Variants in PTCHD4 observed in about 807,000 individuals in gnomAD.
PTCHD4 encodes the protein patched domain containing 4.
A neutral mutation model predicts 58.1 loss-of-function variants in PTCHD4; 33 were observed. That is an observed-to-expected ratio of 0.57 (90% CI 0.43 to 0.76). The LOEUF (loss-of-function observed/expected upper bound fraction) is 0.76. Among genes scored for constraint, PTCHD4 ranks in the 30% least tolerant of loss-of-function variants. The pLI is 0.00. For synonymous variants in PTCHD4, 478 were observed against 409.6 expected (o/e 1.17, Z -2.02); for missense variants, 1,058 against 1,027.1 (o/e 1.03, Z -0.41).
At chr6:48,108,091 C>T (rs565197963) in intron 1 of PTCHD4, among the ~76,000 whole-genome samples, 2 of 152,272 alleles carry the variant, frequency 1.3e-5, no homozygotes, top group East Asian at 3.9e-4. Context: ...CCCAGCCATC[C>T]TATTACTGGG....
At chr6:48,033,660 T>C (rs992269808) in intron 3 of PTCHD4, among the ~76,000 whole-genome samples, 3 of 152,002 alleles carry the variant, frequency 2.0e-5, no homozygotes, top group East Asian at 1.9e-4. Context: ...ATACCAGTCA[T>C]GACAATAGAA....
intron 4 of PTCHD4, among the ~76,000 whole-genome samples, chr6:48,000,379 A>G (rs1466769511): frequency 6.6e-6 from 1 of 152,106 alleles, no homozygotes; most frequent in Non-Finnish European, 1.5e-5. Context: ...ATTCAACTCA[A>G]CACCTACTTA....
chr6:47,893,266 C>T (rs1764435018), intron 4 of PTCHD4, among the ~76,000 whole-genome samples: 2 of 152,182 alleles, frequency 1.3e-5, no homozygotes, highest in Non-Finnish European at 2.9e-5. Flanking sequence ...ACCTCAGCCT[C>T]CCAAAGTACT....
At chr6:47,975,468 C>T (rs1186772966) in intron 4 of PTCHD4, among the ~76,000 whole-genome samples, 1 of 151,756 alleles carries the variant, frequency 6.6e-6, no homozygotes, top group Non-Finnish European at 1.5e-5. Context: ...TTACATAGGA[C>T]AATGTGTGGC....
chr6:48,107,930 T>C (rs1018781011), intron 1 of PTCHD4, among the ~76,000 whole-genome samples: 1 of 152,214 alleles, frequency 6.6e-6, no homozygotes, highest in Non-Finnish European at 1.5e-5. Context: ...AGAATGGAGA[T>C]CATTAAAAAG....
intron 3 of PTCHD4, among the ~76,000 whole-genome samples, chr6:48,042,361 C>A (rs1208686048): frequency 6.6e-6 from 1 of 151,918 alleles, no homozygotes; most frequent in Non-Finnish European, 1.5e-5. Flanking sequence ...AGCTTTGTGT[C>A]CTTGGAGAAA....
At chr6:47,991,421 CA>C (rs1483732666) in intron 4 of PTCHD4, among the ~76,000 whole-genome samples, 1 of 151,832 alleles carries the variant, frequency 6.6e-6, no homozygotes, top group Non-Finnish European at 1.5e-5. Flanking sequence ...AACAAACAAA[CA>C]AAAAATGGAG....
chr6:47,949,416 G>C (rs1284825072), intron 4 of PTCHD4, among the ~76,000 whole-genome samples: 1 of 152,162 alleles, frequency 6.6e-6, no homozygotes, highest in Non-Finnish European at 1.5e-5. Context: ...GTATATCTCT[G>C]TGTCCCTTGA....
In PTCHD4 at chr6:48,069,580, T is replaced by C. The variant is rs1040404174; in HGVS notation, c.-623A>G. On this transcript the variant is annotated 5_prime_UTR_variant, in exon 2 of 5. It adds an upstream start codon to the 5' untranslated region. Transcript: ENST00000339488. ...AGCTGAGGGCTGCGGAGACTCCATC[T>C]ATCCCTGGTGCGTTGGGACCGTCTG... 3.3e-5 allele frequency among the ~76,000 whole-genome samples: 5 copies of C among 152,236 alleles called. No individual in the cohort carries two copies. Among genetic ancestry groups the C allele is most frequent in the South Asian group, 4.1e-4 (2 of 4,834 alleles).
intron 3 of PTCHD4, among the ~76,000 whole-genome samples, chr6:48,042,436 A>G (rs1582066455): frequency 6.6e-6 from 1 of 152,110 alleles, no homozygotes; most frequent in East Asian, 1.9e-4. Context: ...CAAATGCAAT[A>G]CAACACAATA....
In PTCHD4 at chr6:47,863,281, T is replaced by C. The variant is rs909968609; in HGVS notation, c.*15022A>G. ...GAAAATTTTATATAAACATAAGATG[T>C]GAACATACTGCTAAGGACTGTCCTA... On this transcript the variant is annotated 3_prime_UTR_variant, in exon 5 of 5. Coordinates refer to ENST00000339488, the MANE Select transcript of PTCHD4 (RefSeq NM_001384253.1). Among the ~76,000 whole-genome samples the C allele has an allele frequency of 5.3e-5, 8 of 151,836 alleles. No homozygotes were observed. Among genetic ancestry groups the C allele is most frequent in the Non-Finnish European group, 1.0e-4 (7 of 67,872 alleles).
intron 1 of PTCHD4, among the ~76,000 whole-genome samples, chr6:48,109,945 A>G (rs1562053576): frequency 6.6e-6 from 1 of 152,154 alleles, no homozygotes; most frequent in Non-Finnish European, 1.5e-5. Flanking sequence ...GAGAAAAAAA[A>G]CAACAACCAA....
intron 4 of PTCHD4, among the ~76,000 whole-genome samples, chr6:47,938,803 G>A (rs1052777110): frequency 6.6e-6 from 1 of 152,052 alleles, no homozygotes; most frequent in African/African-American, 2.4e-5. Context: ...AATGAGAGAG[G>A]GTCAAAGTGT....
At position 47,993,417 on chromosome 6, in the gene PTCHD4, T is replaced by C. The variant is rs186659566; in HGVS notation, c.898+15217A>G. On this transcript the variant is annotated intron_variant, in intron 4 of 4. Transcript: ENST00000339488. ...GGAGCTCTGCCCTCAAGACTTCCACTTGGAGAAAGCAGACTCTAGGAATTA... is the reference window on the plus strand; with the variant it reads ...GGAGCTCTGCCCTCAAGACTTCCACCTGGAGAAAGCAGACTCTAGGAATTA... Among the ~76,000 whole-genome samples, 1,258 of 152,276 alleles carry C rather than the reference T, an allele frequency of 8.3e-3. 19 individuals carry two copies. Among genetic ancestry groups the C allele is most frequent in the Non-Finnish European group, 0.01 (693 of 68,004 alleles).
At position 47,874,599 on chromosome 6, in the gene PTCHD4, T is replaced by C. The variant is rs1272669438; in HGVS notation, c.*3704A>G. ...GATAATTACAAAATGGACAAAGCTT[T>C]TACTGTCTTGAATTTAACATTCAAG... On this transcript the variant is annotated 3_prime_UTR_variant, in exon 5 of 5. Coordinates refer to ENST00000339488, the MANE Select transcript of PTCHD4 (RefSeq NM_001384253.1). 6.6e-6 allele frequency among the ~76,000 whole-genome samples: 1 copy of C among 151,758 alleles called. No individual in the cohort carries two copies. Among genetic ancestry groups the C allele is most frequent in the Admixed American group, 6.6e-5 (1 of 15,196 alleles).
At chr6:48,097,183 A>G (rs1765490187) in intron 1 of PTCHD4, among the ~76,000 whole-genome samples, 1 of 152,112 alleles carries the variant, frequency 6.6e-6, no homozygotes, top group Non-Finnish European at 1.5e-5. Flanking sequence ...AATGTGCTTG[A>G]GAAAGACAAG....
chr6:47,872,021 G>A lies in PTCHD4; in HGVS notation c.*6282C>T, dbSNP rs140335058. Among the ~76,000 whole-genome samples, 231 of 151,158 alleles carry A rather than the reference G, an allele frequency of 1.5e-3. 2 individuals carry two copies. Among genetic ancestry groups the A allele is most frequent in the African/African-American group, 5.5e-3 (226 of 41,328 alleles). On this transcript the variant is annotated 3_prime_UTR_variant, in exon 5 of 5. Transcript: ENST00000339488. ...TACCAGGAGATGCAAGAATATGACG[G>A]CTTATTCTTTTTTTTTTTTCCCCAG...
Position 48,075,923 on chromosome 6 carries a change from C to T in PTCHD4, c.-969-5997G>A, listed in dbSNP as rs75145349. 2.1e-3 allele frequency among the ~76,000 whole-genome samples: 318 copies of T among 152,288 alleles called. 1 individual carries two copies. Among genetic ancestry groups the T allele is most frequent in the African/African-American group, 6.5e-3 (269 of 41,550 alleles). Reference sequence around the variant, plus strand: ...ATTTCTTAAAATAAGACAACAATGACGTTTGCCACATCTCTTGACTTTTCC... The same window carrying T: ...ATTTCTTAAAATAAGACAACAATGATGTTTGCCACATCTCTTGACTTTTCC... On this transcript the variant is annotated intron_variant, in intron 1 of 4. Transcript: ENST00000339488.
At position 48,013,641 on chromosome 6, in the gene PTCHD4, T is replaced by C. The variant is rs369943797; in HGVS notation, c.418-4527A>G. ...ACTAATTGATCCCCAATTAGGCGCA[T>C]TTATTTTTGTTTTAAGCTTGGTATA... is the stretch of plus-strand genomic sequence containing the variant. On this transcript the variant is annotated intron_variant, in intron 3 of 4. Coordinates refer to ENST00000339488, the MANE Select transcript of PTCHD4 (RefSeq NM_001384253.1). Among the ~76,000 whole-genome samples the C allele has an allele frequency of 1.1e-4, 16 of 152,220 alleles. No individual in the cohort carries two copies. The East Asian group carries it at 2.3e-3, about 22-fold the overall frequency.
Sources: allele counts gnomAD v4.1 joint callset (sites outside exome capture counted in the v4.1 genomes callset), GRCh38; gene constraint gnomAD v4.1.1; transcripts MANE v1.5; gene names NCBI Gene and HGNC (gene_info 2026-07-23, HGNC 2026-07-21).